FRMD4B: variants seen among roughly 807,000 people sequenced by gnomAD.
FRMD4B encodes FERM domain containing 4B.
A neutral mutation model predicts 141.5 loss-of-function variants in FRMD4B; 74 were observed. The observed-to-expected ratio is 0.52, with a 90% CI of 0.43 to 0.63. The LOEUF (loss-of-function observed/expected upper bound fraction) is 0.63, where lower values mean the gene tolerates loss of function less well. Ranked by LOEUF, FRMD4B falls within the 30% of genes least tolerant of loss-of-function variation. FRMD4B has a pLI of 0.00. For synonymous variants in FRMD4B, 506 were observed against 467.9 expected, an observed-to-expected ratio of 1.08 and a Z score of -1.05; for missense variants, 1,366 against 1,253.4, an observed-to-expected ratio of 1.09 and a Z score of -1.36.
intron 11 of FRMD4B, among the ~76,000 whole-genome samples, chr3:69,214,443 T>G (rs1057467112): frequency 1.3e-5 from 2 of 152,154 alleles, no homozygotes; most frequent in African/African-American, 2.4e-5. Flanking sequence ...CAGGGCAGCA[T>G]GAGTCAGTCT....
intron 1 of FRMD4B, among the ~76,000 whole-genome samples, chr3:69,327,736 G>A (rs1041185514): frequency 6.6e-6 from 1 of 152,180 alleles, no homozygotes; most frequent in African/African-American, 2.4e-5. Flanking sequence ...ATTTGGGTAA[G>A]GGTTTTAGAA....
At chr3:69,451,906 C>G (rs543045779) in intron 1 of FRMD4B, among the ~76,000 whole-genome samples, 1 of 152,342 alleles carries the variant, frequency 6.6e-6, no homozygotes, top group African/African-American at 2.4e-5. Context: ...TCTGAGATAA[C>G]ATACTGTGCA....
intron 2 of FRMD4B, among the ~76,000 whole-genome samples, chr3:69,420,992 C>T (rs1704966980): frequency 6.6e-6 from 1 of 152,182 alleles, no homozygotes; most frequent in Admixed American, 6.5e-5. Context: ...GTTCAGGCCT[C>T]CCTCCCTCCC....
At chr3:69,313,390 G>A (rs900423910) in intron 2 of FRMD4B, 62 bp downstream of exon 2, 82 of 1,069,284 alleles carry the variant, frequency 7.7e-5, no homozygotes, top group Middle Eastern at 2.0e-4. Context: ...AGCTGTCCCC[G>A]TGAGGGTAAA....
intron 1 of FRMD4B, 36 bp from the exon 2 acceptor site, chr3:69,313,553 C>G: frequency 7.4e-7 from 1 of 1,357,320 alleles, no homozygotes; most frequent in Non-Finnish European, 1.0e-6. Flanking sequence ...GTGTCAGGGC[C>G]ACGGCTGGCA....
chr3:69,361,200 T>G (rs1459195080), intron 1 of FRMD4B, among the ~76,000 whole-genome samples: 1 of 152,144 alleles, frequency 6.6e-6, no homozygotes, highest in African/African-American at 2.4e-5. Flanking sequence ...ATTGGGCCAT[T>G]TTGGTGAGTG....
chr3:69,250,106 A>T lies in FRMD4B; in HGVS notation c.502-7T>A, dbSNP rs1425675250. On this transcript the variant is annotated splice_region_variant and splice_polypyrimidine_tract_variant and intron_variant, in intron 5 of 22. Coordinates refer to ENST00000398540, the MANE Select transcript of FRMD4B (RefSeq NM_015123.3). ...TCTCTACTTCGATTTGCCCCTGTTG[A>T]TGGAAAAGGAAAGCATCATTGAACA... The T allele has an allele frequency of 6.3e-7, 1 of 1,599,230 alleles. No individual in the cohort carries two copies. The highest frequency in any genetic ancestry group is 2.2e-5 in the East Asian group (1 of 44,806).
intron 1 of FRMD4B, among the ~76,000 whole-genome samples, chr3:69,457,265 G>A (rs920202047): frequency 1.3e-5 from 2 of 152,154 alleles, no homozygotes; most frequent in African/African-American, 4.8e-5. Flanking sequence ...GTAATGTCTG[G>A]ATACAGGACT....
intron 1 of FRMD4B, among the ~76,000 whole-genome samples, chr3:69,458,931 A>C (rs1009933095): frequency 5.3e-5 from 8 of 152,014 alleles, no homozygotes; most frequent in African/African-American, 1.7e-4. Context: ...GTCACTTAAA[A>C]TTGGTTTGAA....
intron 11 of FRMD4B, among the ~76,000 whole-genome samples, chr3:69,211,623 C>A (rs1315566319): frequency 6.6e-6 from 1 of 152,200 alleles, no homozygotes; most frequent in Non-Finnish European, 1.5e-5. Flanking sequence ...TACTTATTCT[C>A]AGTAAATTTC....
At chr3:69,401,605 A>AGTG (rs1704564592) in intron 2 of FRMD4B, among the ~76,000 whole-genome samples, 1 of 152,162 alleles carries the variant, frequency 6.6e-6, no homozygotes, top group Non-Finnish European at 1.5e-5. Context: ...GCTGAAGTGC[A>AGTG]GTGGTGCCAC....
intron 21 of FRMD4B, among the ~76,000 whole-genome samples, chr3:69,180,608 A>G (rs2092696070): frequency 6.7e-6 from 1 of 149,978 alleles, no homozygotes; most frequent in African/African-American, 2.5e-5. Flanking sequence ...AACAAAAAAC[A>G]AAAAACAAAA....
At chr3:69,340,104 C>A (rs1210478414) in intron 1 of FRMD4B, among the ~76,000 whole-genome samples, 1 of 152,116 alleles carries the variant, frequency 6.6e-6, no homozygotes, top group African/African-American at 2.4e-5. Flanking sequence ...GGGAAAGTGC[C>A]TGACTAACCC....
intron 1 of FRMD4B, among the ~76,000 whole-genome samples, chr3:69,448,039 T>TC (rs1381258765): frequency 5.9e-5 from 9 of 151,546 alleles, no homozygotes; most frequent in Admixed American, 4.6e-4. Flanking sequence ...TTTTTTTTTT[T>TC]CGTTTTTTCA....
At chr3:69,457,628 T>C (rs974178249) in intron 1 of FRMD4B, among the ~76,000 whole-genome samples, 1 of 151,910 alleles carries the variant, frequency 6.6e-6, no homozygotes, top group African/African-American at 2.4e-5. Flanking sequence ...TTATTTATGG[T>C]GTCCTCCAAA....
At chr3:69,198,588 C>T in intron 12 of FRMD4B, 110 bp downstream of exon 12, 3 of 676,334 alleles carry the variant, frequency 4.4e-6, no homozygotes, top group Non-Finnish European at 8.1e-6. Context: ...TAGGTATACA[C>T]CCAAGAGAAA....
chr3:69,347,530 T>C (rs1271786498), intron 1 of FRMD4B, among the ~76,000 whole-genome samples: 2 of 152,228 alleles, frequency 1.3e-5, no homozygotes, highest in African/African-American at 4.8e-5. Flanking sequence ...AGAATATACA[T>C]TCTTCTCAGC....
intron 1 of FRMD4B, among the ~76,000 whole-genome samples, chr3:69,519,680 G>A (rs887484495): frequency 6.6e-6 from 1 of 151,982 alleles, no homozygotes; most frequent in Non-Finnish European, 1.5e-5. Flanking sequence ...AGGAACAGTT[G>A]GTAGTTGGTT....
intron 5 of FRMD4B, among the ~76,000 whole-genome samples, chr3:69,273,844 TAGA>T (rs1329279715): frequency 6.6e-6 from 1 of 151,018 alleles, no homozygotes; most frequent in East Asian, 1.9e-4. Flanking sequence ...TAGGAAGAAT[TAGA>T]AGAAGTATTT....
Sources: allele counts gnomAD v4.1 joint callset (sites outside exome capture counted in the v4.1 genomes callset), GRCh38; gene constraint gnomAD v4.1.1; transcripts MANE v1.5; gene names NCBI Gene and HGNC (gene_info 2026-07-23, HGNC 2026-07-21).